The following ITPRID2 variants were observed in gnomAD, a reference collection of about 807,000 sequenced individuals.
ITPRID2 encodes ITPR interacting domain containing 2.
Under a neutral mutation model 124.3 loss-of-function variants are expected in ITPRID2, and 60 were observed. That is an observed-to-expected ratio of 0.48 (90% CI 0.39 to 0.60). The LOEUF is 0.60. Among genes scored for constraint, ITPRID2 ranks in the 20% least tolerant of loss-of-function variants. The pLI is 0.00. For missense variants in ITPRID2, 1,553 were observed against 1,512.2 expected (o/e 1.03, Z -0.45); for synonymous variants, 521 against 542.9 (o/e 0.96, Z 0.56).
intron 8 of ITPRID2, among the ~76,000 whole-genome samples, chr2:181,906,952 A>G (rs1008170385): frequency 1.3e-5 from 2 of 152,198 alleles, no homozygotes; most frequent in Non-Finnish European, 2.9e-5. Flanking sequence ...TGGAAAAAGA[A>G]TGATTTCCTC....
Position 181,910,041 on chromosome 2 carries a change from A to C in ITPRID2, c.1486+70A>C, listed in dbSNP as rs78753320. 3,068 of 1,173,692 alleles carry C rather than the reference A, an allele frequency of 2.6e-3. 70 individuals are homozygous for C. The African/African-American group carries it at 0.042, about 16-fold the overall frequency. The allele number at this position is 1,173,692 out of a possible 1,614,324, so 72.7% of individuals were successfully genotyped here. A position where few individuals can be genotyped will look rare whatever the true frequency, so the allele number is the denominator to read the frequency against. ...TTAGTTGATTTGGAAAAGGGGTTTT[A>C]TGTATCAGTATTTGTAGTATTTATG... On this transcript the variant is annotated intron_variant, in intron 9 of 17. Transcript: ENST00000431877. This position sits in a 1 kb window ranked among gnomAD's most constrained non-coding sequence, Gnocchi z 4.1.
chr2:181,892,428 A>G lies in ITPRID2; in HGVS notation c.211+151A>G, dbSNP rs2125054562. 8.7e-7 allele frequency: 1 copy of G among 1,144,926 alleles called. No individual in the cohort carries two copies. The highest frequency in any genetic ancestry group is 1.2e-6 in the Non-Finnish European group (1 of 810,334). The allele number at this position is 1,144,926 out of a possible 1,614,324, so 70.9% of individuals were successfully genotyped here. Reference sequence around the variant, plus strand: ...TTCCGACCTTCAAACGCGCGCGCTGAACGAGGCGCCCCCAGCGTCAACACA... The same window carrying G: ...TTCCGACCTTCAAACGCGCGCGCTGGACGAGGCGCCCCCAGCGTCAACACA... On this transcript the variant is annotated intron_variant, in intron 1 of 17. Transcript: ENST00000431877. The surrounding 1 kb of genome is among the most constrained non-coding windows in gnomAD (Gnocchi z 5.2).
rs929808792 is a variant in ITPRID2, at chr2:181,921,416, T to C, written c.3211-532T>C. ...TTGCTTGAACCCGGGAGGCGGAGGT[T>C]GCAGTGAGCCGAGATCAAGCCATTG... On this transcript the variant is annotated intron_variant, in intron 15 of 17. Transcript: ENST00000431877. Among the ~76,000 whole-genome samples, 22 of 151,936 alleles carry C rather than the reference T, an allele frequency of 1.4e-4. No homozygotes were observed. The South Asian group carries it at 3.1e-3, about 22-fold the overall frequency.
chr2:181,916,462 CT>C, intron 11 of ITPRID2, 35 bp downstream of exon 11: 1 of 1,584,128 alleles, frequency 6.3e-7, no homozygotes, highest in South Asian at 1.2e-5. Context: ...TAGCTTTTTT[CT>C]TTTACTGCTC....
chr2:181,919,404 T>A lies in ITPRID2; in HGVS notation c.3102T>A (p.Arg1034=). 6.2e-7 allele frequency: 1 copy of A among 1,613,504 alleles called. No homozygotes were observed. Among genetic ancestry groups the A allele is most frequent in the Non-Finnish European group, 8.5e-7 (1 of 1,179,754 alleles). Residue 1034 remains arginine, a synonymous_variant, in exon 14 of 18, where the codon CGT becomes CGA. Transcript: ENST00000431877. This position sits in a 1 kb window ranked among gnomAD's most constrained non-coding sequence, Gnocchi z 4.2. ...ERLLGLEEQL[R]AVRMPSPFRS... is the part of the protein sequence containing the mutation. Reference sequence around the variant, plus strand: ...TGCTGGGCCTGGAGGAGCAGCTTCGTGCTGTGCGCATGCCTTCACCCTTCC... The same window carrying A: ...TGCTGGGCCTGGAGGAGCAGCTTCGAGCTGTGCGCATGCCTTCACCCTTCC...
Position 181,909,892 on chromosome 2 carries a change from T to C in ITPRID2, c.1414-7T>C. The C allele has an allele frequency of 1.2e-6, 2 of 1,611,976 alleles. No homozygotes were observed. The highest frequency in any genetic ancestry group is 8.5e-7 in the Non-Finnish European group (1 of 1,178,366). ...TTTGGTTTTAACTACTTAAAACTCT[T>C]CTTAAGGTTCAAAGTACGGAGGGAG... On this transcript the variant is annotated splice_region_variant and splice_polypyrimidine_tract_variant and intron_variant, in intron 8 of 17. Coordinates refer to ENST00000431877, the MANE Select transcript of ITPRID2 (RefSeq NM_001130445.3).
Position 181,929,359 on chromosome 2 carries a change from A to G in ITPRID2, c.*14-202A>G, listed in dbSNP as rs191342126. 4.6e-5 allele frequency among the ~76,000 whole-genome samples: 7 copies of G among 152,280 alleles called. No homozygotes were observed. In the East Asian group the frequency reaches 1.2e-3, roughly 25 times the overall value. ...AAATTGGAAAGTATTTTAATAAATT[A>G]TGTCACAAAGCAATTAATAGGAATT... is the stretch of plus-strand genomic sequence containing the variant. On this transcript the variant is annotated intron_variant, in intron 17 of 17. Coordinates refer to ENST00000431877, the MANE Select transcript of ITPRID2 (RefSeq NM_001130445.3).
In ITPRID2 at chr2:181,919,805, GT is replaced by G. The variant is rs926507085; in HGVS notation, c.3144+368del. Among the ~76,000 whole-genome samples the G allele has an allele frequency of 2.0e-5, 3 of 149,228 alleles. No homozygotes were observed. Among genetic ancestry groups the G allele is most frequent in the Non-Finnish European group, 3.0e-5 (2 of 67,110 alleles). ...AGAGAACACAGATGCATATTTTGCTGTTTTTTTTTCTTTCATGCCTTTAAAT... is the reference window on the plus strand; with the variant it reads ...AGAGAACACAGATGCATATTTTGCTGTTTTTTTTCTTTCATGCCTTTAAAT... On this transcript the variant is annotated intron_variant, in intron 14 of 17. Transcript: ENST00000431877. The surrounding 1 kb of genome is among the most constrained non-coding windows in gnomAD (Gnocchi z 4.2).
At chr2:181,926,424 A>G (rs1352041309) in intron 16 of ITPRID2, among the ~76,000 whole-genome samples, 1 of 151,890 alleles carries the variant, frequency 6.6e-6, no homozygotes, top group Non-Finnish European at 1.5e-5. Context: ...TCAAGAATAC[A>G]TTTTGGCGAC....
chr2:181,904,805 A>G (rs974604402), intron 8 of ITPRID2, among the ~76,000 whole-genome samples: 1 of 152,230 alleles, frequency 6.6e-6, no homozygotes, highest in African/African-American at 2.4e-5. Context: ...TGTTGACTGC[A>G]TGAAGCTGCC....
At position 181,918,809 on chromosome 2, in the gene ITPRID2, CA is replaced by C; in HGVS notation, c.2923del (p.Met975Ter). 6.2e-7 allele frequency: 1 copy of C among 1,614,162 alleles called. No homozygotes were observed. Among genetic ancestry groups the C allele is most frequent in the Non-Finnish European group, 8.5e-7 (1 of 1,180,018 alleles). On this transcript the variant is annotated frameshift_variant, in exon 13 of 18. Transcript: ENST00000431877. LOFTEE classifies it high-confidence loss of function. ...GCGGAGCCTGAATTTGTTTAGAACA[CA>C]AATGATGGATTTAGAATTGGCAATG... ...MRRSLNLFRT[Q>X]MMDLELAMLR...
intron 11 of ITPRID2, chr2:181,916,946 A>G (rs1694108644): frequency 1.0e-6 from 1 of 988,854 alleles, no homozygotes; most frequent in South Asian, 4.6e-5. Flanking sequence ...GCACAGAGTT[A>G]GTCTACTTCC....
intron 10 of ITPRID2, among the ~76,000 whole-genome samples, chr2:181,914,832 C>T (rs11695458): frequency 0.035 from 5,287 of 152,126 alleles, 123 homozygotes; most frequent in Middle Eastern, 0.075. Context: ...TGGAGGGATT[C>T]GCTTTGAGTT....
intron 8 of ITPRID2, among the ~76,000 whole-genome samples, chr2:181,903,733 C>G (rs1226827140): frequency 2.0e-5 from 3 of 151,474 alleles, no homozygotes; most frequent in African/African-American, 7.3e-5. Context: ...ATCTTTTTAC[C>G]TCCTGGTATA....
At chr2:181,925,557 T>C (rs182045522) in intron 16 of ITPRID2, among the ~76,000 whole-genome samples, 35 of 152,350 alleles carry the variant, frequency 2.3e-4, no homozygotes, top group Middle Eastern at 3.4e-3. Context: ...CTCTTCCTTT[T>C]TGTGTCTGAT....
At chr2:181,914,706 G>T (rs74496654) in intron 10 of ITPRID2, among the ~76,000 whole-genome samples, 4,746 of 152,240 alleles carry the variant, frequency 0.031, 97 homozygotes, top group South Asian at 0.089. Context: ...GAAATGACTT[G>T]GGGAAAGTGT....
Position 181,891,988 on chromosome 2 carries a change from G to A in ITPRID2, c.-79G>A, listed in dbSNP as rs1691731444. On this transcript the variant is annotated 5_prime_UTR_variant, in exon 1 of 18. Transcript: ENST00000431877. Reference sequence around the variant, plus strand: ...GGGGCCCCCTGCCCGGCCGGGCGCTGACAGCAAGGGCGGGGGTCCCTGCCG... The same window carrying A: ...GGGGCCCCCTGCCCGGCCGGGCGCTAACAGCAAGGGCGGGGGTCCCTGCCG... 7.0e-7 allele frequency: 1 copy of A among 1,430,142 alleles called. No homozygotes were observed. The highest frequency in any genetic ancestry group is 1.5e-5 in the African/African-American group (1 of 67,696). 88.6% of individuals were successfully genotyped at this position (1,430,142 alleles called of 1,614,324 possible).
At chr2:181,897,084 C>T in intron 4 of ITPRID2, 120 bp downstream of exon 4, 1 of 823,462 alleles carries the variant, frequency 1.2e-6, no homozygotes, top group African/African-American at 1.7e-5. Flanking sequence ...GAAAATGGCT[C>T]AGGCATATTT....
Position 181,896,163 on chromosome 2 carries a change from A to G in ITPRID2, c.307+84A>G, listed in dbSNP as rs1404048421. On this transcript the variant is annotated intron_variant, in intron 3 of 17. Coordinates refer to ENST00000431877, the MANE Select transcript of ITPRID2 (RefSeq NM_001130445.3). The surrounding 1 kb of genome is among the most constrained non-coding windows in gnomAD (Gnocchi z 4.3). ...CTGGGTAAAAGTGTATATATGACTT[A>G]TAAAAGTGATATTCATGTTTATAGT... is the stretch of plus-strand genomic sequence containing the variant. 1 of 1,175,822 alleles carries G rather than the reference A, an allele frequency of 8.5e-7. No homozygotes were observed. The highest frequency in any genetic ancestry group is 1.5e-5 in the African/African-American group (1 of 65,328). 72.8% of individuals were successfully genotyped at this position (1,175,822 alleles called of 1,614,324 possible). A position where few individuals can be genotyped will look rare whatever the true frequency, so the allele number is the denominator to read the frequency against.
Sources: gnomAD v4.1 joint callset for allele counts (sites outside exome capture counted in the v4.1 genomes callset) on GRCh38, gnomAD v4.1.1 for gene constraint, Gnocchi (gnomAD v3.1) non-coding constraint, MANE v1.5 for transcripts, NCBI Gene and HGNC (gene_info 2026-07-23, HGNC 2026-07-21) for gene names.